The following SNX30 variants were observed in gnomAD, a reference collection of about 807,000 sequenced individuals.
SNX30 encodes sorting nexin family member 30, also known as sorting nexin-30.
In SNX30, 24 loss-of-function variants were observed where a neutral mutation model predicts 46.4. The observed-to-expected ratio is 0.52, with a 90% CI of 0.37 to 0.73. SNX30 has a LOEUF of 0.73. Ranked by LOEUF, SNX30 falls within the 30% of genes least tolerant of loss-of-function variation. The pLI is 0.00. For missense variants in SNX30, 533 were observed against 555.7 expected, an observed-to-expected ratio of 0.96 and a Z score of 0.41; for synonymous variants, 189 against 211.5, an observed-to-expected ratio of 0.89 and a Z score of 0.92.
chr9:112,825,167 C>T (rs1021028774), intron 3 of SNX30, among the ~76,000 whole-genome samples: 2 of 152,306 alleles, frequency 1.3e-5, no homozygotes, highest in East Asian at 1.9e-4. Context: ...ATTGTTCAAA[C>T]GGTTTTCCAC....
chr9:112,861,690 T>A (rs1443684147), intron 7 of SNX30, among the ~76,000 whole-genome samples: 9 of 152,328 alleles, frequency 5.9e-5, no homozygotes, highest in Non-Finnish European at 1.5e-5. Flanking sequence ...TCCCTCTCCG[T>A]GCCGCTGTGG....
chr9:112,850,822 C>T, intron 6 of SNX30, 37 bp from the exon 7 acceptor site: 1 of 1,532,282 alleles, frequency 6.5e-7, no homozygotes, highest in Non-Finnish European at 9.0e-7. Context: ...CCTTTGTGGA[C>T]TCAGTGTTAC....
intron 1 of SNX30, among the ~76,000 whole-genome samples, chr9:112,767,354 A>G (rs865816592): frequency 6.6e-6 from 1 of 152,152 alleles, no homozygotes; most frequent in Non-Finnish European, 1.5e-5. Flanking sequence ...TCTCAGATAT[A>G]TGTTTTGCAA....
chr9:112,750,129 T>A (rs1332201547), upstream of SNX30, among the ~76,000 whole-genome samples: 1 of 152,202 alleles, frequency 6.6e-6, no homozygotes, highest in Non-Finnish European at 1.5e-5. Context: ...AAGAGTCGCA[T>A]ATCATTTGAG....
chr9:112,851,662 CG>C (rs1841030306), intron 7 of SNX30, among the ~76,000 whole-genome samples: 1 of 152,168 alleles, frequency 6.6e-6, no homozygotes, highest in African/African-American at 2.4e-5. Flanking sequence ...AAGAGTAATT[CG>C]TGCAGAACTA....
chr9:112,860,359 CT>C (rs1252877054), intron 7 of SNX30, among the ~76,000 whole-genome samples: 4 of 152,182 alleles, frequency 2.6e-5, no homozygotes, highest in Admixed American at 2.6e-4. Flanking sequence ...TTCTTGTTAT[CT>C]CACCCCGCTT....
chr9:112,827,452 TA>T (rs1398684757), intron 3 of SNX30, among the ~76,000 whole-genome samples: 1 of 152,214 alleles, frequency 6.6e-6, no homozygotes, highest in Admixed American at 6.5e-5. Flanking sequence ...TCTTGATAAC[TA>T]AAACATACTT....
intron 1 of SNX30, among the ~76,000 whole-genome samples, chr9:112,768,692 T>C (rs893294265): frequency 2.8e-5 from 4 of 145,402 alleles, no homozygotes; most frequent in Non-Finnish European, 4.5e-5. Context: ...GTCTTGCTCT[T>C]GTCGCTTAGG....
chr9:112,865,655 ATATATATG>A (rs1468112337), intron 8 of SNX30, among the ~76,000 whole-genome samples: 3 of 89,426 alleles, frequency 3.4e-5, no homozygotes, highest in Admixed American at 1.0e-4. Context: ...ATATATATAT[ATATATATG>A]TATGTATGTA....
At chr9:112,820,920 C>G (rs761179834) in intron 3 of SNX30, among the ~76,000 whole-genome samples, 1 of 152,124 alleles carries the variant, frequency 6.6e-6, no homozygotes, top group Non-Finnish European at 1.5e-5. Context: ...CACATTTTGT[C>G]TATTCACCCT....
At chr9:112,772,683 G>A (rs553867105) in intron 1 of SNX30, among the ~76,000 whole-genome samples, 1 of 152,298 alleles carries the variant, frequency 6.6e-6, no homozygotes, top group Admixed American at 6.5e-5. Flanking sequence ...AGTAGAAAGG[G>A]TAATGTTTAT....
chr9:112,774,555 T>C (rs1839707736), intron 1 of SNX30, among the ~76,000 whole-genome samples: 1 of 152,208 alleles, frequency 6.6e-6, no homozygotes, highest in Admixed American at 6.5e-5. Context: ...TGAGTAAATA[T>C]CTAAGAGTCA....
intron 6 of SNX30, among the ~76,000 whole-genome samples, chr9:112,839,960 T>C (rs1363274797): frequency 2.0e-5 from 3 of 152,222 alleles, no homozygotes; most frequent in Non-Finnish European, 4.4e-5. Flanking sequence ...GATGGAAAAC[T>C]TTAAGCACAT....
chr9:112,760,537 C>T (rs530908719), intron 1 of SNX30, among the ~76,000 whole-genome samples: 10 of 152,126 alleles, frequency 6.6e-5, no homozygotes, highest in Non-Finnish European at 1.3e-4. Flanking sequence ...TGTGAATGGT[C>T]GTGTCCTTCA....
chr9:112,841,220 GT>G (rs138375627), intron 6 of SNX30, among the ~76,000 whole-genome samples: 1 of 151,898 alleles, frequency 6.6e-6, no homozygotes, highest in Admixed American at 6.6e-5. Flanking sequence ...AAATTACTCT[GT>G]TTTTTTTCCT....
intron 7 of SNX30, among the ~76,000 whole-genome samples, chr9:112,858,594 A>G (rs998169198): frequency 1.3e-5 from 2 of 152,244 alleles, no homozygotes; most frequent in African/African-American, 4.8e-5. Flanking sequence ...ACACTATCCA[A>G]AAAATCAAAG....
At chr9:112,778,874 G>T (rs959559258) in intron 1 of SNX30, among the ~76,000 whole-genome samples, 2 of 134,270 alleles carry the variant, frequency 1.5e-5, no homozygotes, top group Non-Finnish European at 3.2e-5. Context: ...TAGGTACAGG[G>T]GCATGATGAG....
intron 1 of SNX30, among the ~76,000 whole-genome samples, chr9:112,758,637 C>T (rs1839389024): frequency 6.6e-6 from 1 of 152,204 alleles, no homozygotes; most frequent in Non-Finnish European, 1.5e-5. Flanking sequence ...CTCAAGCGAT[C>T]TGCCCGCATC....
chr9:112,779,901 T>C (rs962554303), intron 1 of SNX30, among the ~76,000 whole-genome samples: 6 of 152,100 alleles, frequency 3.9e-5, no homozygotes, highest in African/African-American at 1.4e-4. Context: ...ACGTGGGGAA[T>C]CTCTCAGCTG....
Sources: allele counts gnomAD v4.1 joint callset (sites outside exome capture counted in the v4.1 genomes callset), GRCh38; gene constraint gnomAD v4.1.1; transcripts MANE v1.5; gene names NCBI Gene and HGNC (gene_info 2026-07-23, HGNC 2026-07-21).